LGR5: variants seen among roughly 807,000 people sequenced by gnomAD.
LGR5 encodes the protein leucine-rich repeat-containing G protein-coupled receptor 5.
LGR5 carries 54 observed loss-of-function variants against 76.7 expected under a neutral mutation model. That is an observed-to-expected ratio of 0.70 (90% CI 0.57 to 0.88). LGR5 has a LOEUF of 0.88. Among genes scored for constraint, LGR5 ranks in the 40% least tolerant of loss-of-function variants. The pLI is 0.00. For missense variants in LGR5, 1,078 were observed against 1,073.3 expected (o/e 1.00, Z -0.06); for synonymous variants, 406 against 421.9 (o/e 0.96, Z 0.46).
chr12:71,510,417 C>T (rs548587091), intron 2 of LGR5, among the ~76,000 whole-genome samples: 2 of 152,282 alleles, frequency 1.3e-5, no homozygotes, highest in South Asian at 4.2e-4. Flanking sequence ...AAGTGCCCTA[C>T]CTCTCTGCCT....
Position 71,578,942 on chromosome 12 carries a change from T to C in LGR5, c.1406+13T>C. 1 of 1,592,576 alleles carries C rather than the reference T, an allele frequency of 6.3e-7. No homozygotes were observed. The highest frequency in any genetic ancestry group is 8.5e-7 in the Non-Finnish European group (1 of 1,170,882). Reference sequence around the variant, plus strand: ...TTCCAGAACTCAAGTGAGTTTGTCATTAAAACTAATAAGATACATTTGTGG... The same window carrying C: ...TTCCAGAACTCAAGTGAGTTTGTCACTAAAACTAATAAGATACATTTGTGG... On this transcript the variant is annotated intron_variant, in intron 15 of 17. Coordinates refer to ENST00000266674, the MANE Select transcript of LGR5 (RefSeq NM_003667.4).
chr12:71,569,526 A>T (rs1271199014), intron 11 of LGR5, among the ~76,000 whole-genome samples: 3 of 151,992 alleles, frequency 2.0e-5, no homozygotes, highest in African/African-American at 7.2e-5. Flanking sequence ...AAAAAAAAAG[A>T]CATACATGCA....
intron 12 of LGR5, 148 bp downstream of exon 12, chr12:71,571,727 G>A (rs554865887): frequency 2.8e-4 from 165 of 588,134 alleles, no homozygotes; most frequent in Non-Finnish European, 4.5e-4. Flanking sequence ...ACTGTGCAGT[G>A]TGCTTAGAAA....
chr12:71,558,835 C>T (rs1032611284), intron 6 of LGR5, among the ~76,000 whole-genome samples: 8 of 152,186 alleles, frequency 5.3e-5, no homozygotes, highest in Admixed American at 5.2e-4. Flanking sequence ...GTCTGTAAAG[C>T]ACTTGTGAGT....
chr12:71,550,232 C>T (rs1877408657), intron 4 of LGR5, among the ~76,000 whole-genome samples: 1 of 151,812 alleles, frequency 6.6e-6, no homozygotes, highest in Non-Finnish European at 1.5e-5. Context: ...CTCACTGCAA[C>T]CTCCACCTCC....
intron 14 of LGR5, 53 bp downstream of exon 14, chr12:71,578,049 C>A: frequency 1.5e-6 from 2 of 1,360,674 alleles, no homozygotes; most frequent in Non-Finnish European, 2.1e-6. Context: ...TGAGGACCAT[C>A]TAGTTAATTT....
chr12:71,508,777 A>AG (rs1874997686), intron 2 of LGR5, among the ~76,000 whole-genome samples: 2 of 149,848 alleles, frequency 1.3e-5, no homozygotes, highest in East Asian at 1.9e-4. Context: ...AAAAAAAAAA[A>AG]GCATTGTAAC....
At chr12:71,567,018 T>C in intron 11 of LGR5, 106 bp downstream of exon 11, 1 of 914,650 alleles carries the variant, frequency 1.1e-6, no homozygotes, top group Non-Finnish European at 1.8e-6. Flanking sequence ...AGAAAGTTTT[T>C]CCTTTCAGGT....
At chr12:71,551,123 G>A (rs1877463177) in intron 4 of LGR5, among the ~76,000 whole-genome samples, 1 of 152,180 alleles carries the variant, frequency 6.6e-6, no homozygotes, top group South Asian at 2.1e-4. Flanking sequence ...CGTAAATGGG[G>A]TATGACACCC....
chr12:71,584,244 C>A lies in LGR5; in HGVS notation c.2234C>A (p.Thr745Asn). The A allele has an allele frequency of 6.2e-7, 1 of 1,614,156 alleles. No individual in the cohort carries two copies. Among genetic ancestry groups the A allele is most frequent in the Admixed American group, 1.7e-5 (1 of 60,020 alleles). Residue 745 changes from threonine to asparagine, a missense_variant, in exon 18 of 18, where the codon ACC becomes AAC. Transcript: ENST00000266674. ...TTCCTCATGATGACCATTGCCTACA[C>A]CAAGCTCTACTGCAATTTGGACAAG... ...LCFLMMTIAY[T>N]KLYCNLDKGD...
intron 4 of LGR5, among the ~76,000 whole-genome samples, chr12:71,541,176 A>T (rs1876859709): frequency 1.3e-5 from 2 of 152,230 alleles, no homozygotes; most frequent in African/African-American, 4.8e-5. Context: ...ATTGGGGAGA[A>T]TTATTTTAAC....
chr12:71,447,736 A>G (rs1423647206), intron 1 of LGR5, among the ~76,000 whole-genome samples: 1 of 152,200 alleles, frequency 6.6e-6, no homozygotes, highest in Admixed American at 6.5e-5. Flanking sequence ...GAAATGATAC[A>G]AACATTGGCA....
intron 2 of LGR5, among the ~76,000 whole-genome samples, chr12:71,517,293 A>G (rs1184776846): frequency 1.3e-5 from 2 of 152,230 alleles, no homozygotes; most frequent in African/African-American, 4.8e-5. Context: ...GCAAACAGCC[A>G]ATAGCAGATC....
intron 1 of LGR5, among the ~76,000 whole-genome samples, chr12:71,475,056 G>T (rs1873267151): frequency 6.6e-6 from 1 of 152,086 alleles, no homozygotes. Flanking sequence ...TTGCAAGTAG[G>T]GTTCAAGAAG....
intron 1 of LGR5, among the ~76,000 whole-genome samples, chr12:71,444,847 C>A (rs900655318): frequency 5.3e-5 from 8 of 151,928 alleles, no homozygotes; most frequent in Admixed American, 5.2e-4. Context: ...AATTTCAGAC[C>A]AAACAATTAA....
At chr12:71,516,755 G>A (rs965158230) in intron 2 of LGR5, among the ~76,000 whole-genome samples, 4 of 152,018 alleles carry the variant, frequency 2.6e-5, no homozygotes, top group East Asian at 3.9e-4. Flanking sequence ...TTGATTTATC[G>A]AAAAAGGAAT....
rs368010530 is a variant in LGR5, at chr12:71,580,515, G to T, written c.1552+92G>T. ...TGTTTGATGAAAAGTCATCGAACAGGCCGGGTGTGGTGGCACACACCTGTA... is the reference window on the plus strand; with the variant it reads ...TGTTTGATGAAAAGTCATCGAACAGTCCGGGTGTGGTGGCACACACCTGTA... On this transcript the variant is annotated intron_variant, in intron 16 of 17. Coordinates refer to ENST00000266674, the MANE Select transcript of LGR5 (RefSeq NM_003667.4). 80 of 1,342,298 alleles carry T rather than the reference G, an allele frequency of 6.0e-5. 1 individual carries two copies. In the South Asian group the frequency reaches 9.5e-4, roughly 16 times the overall value. 83.1% of individuals were successfully genotyped at this position (1,342,298 alleles called of 1,614,324 possible). A position where few individuals can be genotyped will look rare whatever the true frequency, so the allele number is the denominator to read the frequency against.
intron 17 of LGR5, chr12:71,583,336 T>G: frequency 3.4e-6 from 1 of 290,734 alleles, no homozygotes; most frequent in Non-Finnish European, 6.4e-6. Flanking sequence ...GTCCAGGAGA[T>G]CTGGCTTTTT....
intron 2 of LGR5, among the ~76,000 whole-genome samples, chr12:71,512,821 T>C (rs1239938263): frequency 1.3e-5 from 2 of 152,188 alleles, no homozygotes; most frequent in East Asian, 3.9e-4. Flanking sequence ...GCAGGACATC[T>C]AAATGGGAAT....
Sources: allele counts gnomAD v4.1 joint callset (sites outside exome capture counted in the v4.1 genomes callset), GRCh38; gene constraint gnomAD v4.1.1; transcripts MANE v1.5; gene names NCBI Gene and HGNC (gene_info 2026-07-23, HGNC 2026-07-21).